Variants in ADGRB3 observed in about 807,000 individuals in gnomAD.
ADGRB3 encodes the protein adhesion G protein-coupled receptor B3.
ADGRB3 carries 37 observed loss-of-function variants against 193.4 expected under a neutral mutation model. That is an observed-to-expected ratio of 0.19 (90% CI 0.15 to 0.25). The LOEUF (loss-of-function observed/expected upper bound fraction) is 0.25. ADGRB3 is among the 10% of genes least tolerant of loss of function. The probability of loss-of-function intolerance (pLI) is 1.00; values close to 1 mark genes in which losing one functional copy is unlikely to be tolerated. For missense variants in ADGRB3, 1,637 were observed against 1,852.9 expected, an observed-to-expected ratio of 0.88 and a Z score of 2.14; for synonymous variants, 690 against 644.2, an observed-to-expected ratio of 1.07 and a Z score of -1.08.
chr6:68,848,000 T>G (rs1261475579), intron 3 of ADGRB3, among the ~76,000 whole-genome samples: 1 of 151,914 alleles, frequency 6.6e-6, no homozygotes, highest in East Asian at 1.9e-4. Flanking sequence ...AAATTAAATC[T>G]AAAAAAAGAC....
chr6:69,197,395 T>G (rs990350471), intron 17 of ADGRB3, among the ~76,000 whole-genome samples: 1 of 149,140 alleles, frequency 6.7e-6, no homozygotes, highest in Non-Finnish European at 1.5e-5. Flanking sequence ...AAGCAAAGTG[T>G]GCTTCATGAT....
chr6:68,686,319 A>C (rs1264805565), intron 3 of ADGRB3, among the ~76,000 whole-genome samples: 1 of 152,174 alleles, frequency 6.6e-6, no homozygotes, highest in East Asian at 1.9e-4. Flanking sequence ...CTAAAAAGTC[A>C]ATGACAAAAT....
chr6:69,003,890 G>A (rs998694854), intron 11 of ADGRB3, among the ~76,000 whole-genome samples: 1 of 152,200 alleles, frequency 6.6e-6, no homozygotes, highest in Non-Finnish European at 1.5e-5. Context: ...GGAAGAGGAA[G>A]AGAGGTAAAG....
chr6:69,320,816 C>CGTGTGT (rs1175461597), intron 20 of ADGRB3, among the ~76,000 whole-genome samples: 1,297 of 110,582 alleles, frequency 0.012, 16 homozygotes, highest in African/African-American at 0.044. Flanking sequence ...TGTGCTTGTG[C>CGTGTGT]ATGTGTGTAT....
chr6:68,855,414 ATTAAT>A lies in ADGRB3; in HGVS notation c.758-75124_758-75120del, dbSNP rs56065569. On this transcript the variant is annotated intron_variant, in intron 3 of 31. Transcript: ENST00000370598. ...CACTTTAGGGGAAAAAACTAATAGC[ATTAAT>A]TTAATTTAATTTAATTTAATGTAAT... Among the ~76,000 whole-genome samples, 9 of 151,198 alleles carry A rather than the reference ATTAAT, an allele frequency of 6.0e-5. No individual in the cohort carries two copies. In the South Asian group the frequency reaches 1.0e-3, roughly 18 times the overall value.
At chr6:68,677,461 T>G (rs1769121207) in intron 3 of ADGRB3, among the ~76,000 whole-genome samples, 1 of 151,982 alleles carries the variant, frequency 6.6e-6, no homozygotes, top group African/African-American at 2.4e-5. Flanking sequence ...TTTCAATGGA[T>G]CATTCAGAAT....
At chr6:68,836,150 T>C (rs1255326139) in intron 3 of ADGRB3, among the ~76,000 whole-genome samples, 1 of 152,100 alleles carries the variant, frequency 6.6e-6, no homozygotes, top group Non-Finnish European at 1.5e-5. Flanking sequence ...TGAGTTGTAT[T>C]AGAAATGCCA....
intron 17 of ADGRB3, among the ~76,000 whole-genome samples, chr6:69,092,030 T>G (rs1443399708): frequency 6.6e-6 from 1 of 152,244 alleles, no homozygotes; most frequent in Non-Finnish European, 1.5e-5. Context: ...AGATTTCCAT[T>G]TTTTAAGCTT....
chr6:69,264,406 G>A (rs577293749), intron 20 of ADGRB3, among the ~76,000 whole-genome samples: 226 of 151,350 alleles, frequency 1.5e-3, no homozygotes, highest in African/African-American at 5.0e-3. Flanking sequence ...TTCCTCCTCT[G>A]GTTTTATTAC....
At chr6:68,728,101 A>G (rs970567888) in intron 3 of ADGRB3, among the ~76,000 whole-genome samples, 22 of 151,468 alleles carry the variant, frequency 1.5e-4, no homozygotes, top group Admixed American at 7.3e-4. Context: ...GTTTCACTCA[A>G]ATTGACATTT....
At chr6:69,138,391 C>G (rs1455563865) in intron 17 of ADGRB3, among the ~76,000 whole-genome samples, 2 of 152,202 alleles carry the variant, frequency 1.3e-5, no homozygotes, top group African/African-American at 4.8e-5. Context: ...TATGTAATGA[C>G]TCTGACATGG....
intron 17 of ADGRB3, among the ~76,000 whole-genome samples, chr6:69,203,713 C>T (rs1765481658): frequency 6.6e-6 from 1 of 152,138 alleles, no homozygotes; most frequent in Non-Finnish European, 1.5e-5. Flanking sequence ...TGTATCATTA[C>T]ATCTTTCTTC....
intron 13 of ADGRB3, among the ~76,000 whole-genome samples, chr6:69,042,925 T>A (rs1771114077): frequency 6.6e-6 from 1 of 152,170 alleles, no homozygotes; most frequent in South Asian, 2.1e-4. Context: ...CTTCAACATT[T>A]GTTTATGGTG....
At chr6:68,936,426 T>TA in intron 4 of ADGRB3, 93 bp from the exon 5 acceptor site, 1 of 1,239,432 alleles carries the variant, frequency 8.1e-7, no homozygotes, top group South Asian at 1.6e-5. Flanking sequence ...ACATTTAAAT[T>TA]ATTCTTGCAT....
chr6:69,066,200 A>G (rs1220410076), intron 16 of ADGRB3, among the ~76,000 whole-genome samples: 1 of 151,282 alleles, frequency 6.6e-6, no homozygotes, highest in Non-Finnish European at 1.5e-5. Context: ...ATAGTTATAT[A>G]TATGCATGTA....
chr6:69,356,215 G>A (rs1769334712), intron 28 of ADGRB3, among the ~76,000 whole-genome samples: 2 of 152,108 alleles, frequency 1.3e-5, no homozygotes, highest in South Asian at 4.1e-4. Flanking sequence ...TCCAGAATGG[G>A]CAAGAGTGCT....
At chr6:68,850,579 A>T (rs1033265326) in intron 3 of ADGRB3, among the ~76,000 whole-genome samples, 1 of 151,964 alleles carries the variant, frequency 6.6e-6, no homozygotes, top group African/African-American at 2.4e-5. Context: ...TTGAAATTGT[A>T]TACTTCTGAT....
At chr6:68,647,904 A>G (rs902294967) in intron 3 of ADGRB3, among the ~76,000 whole-genome samples, 4 of 152,168 alleles carry the variant, frequency 2.6e-5, no homozygotes, top group African/African-American at 4.8e-5. Context: ...TTAGAGACCA[A>G]TGATCCCGAA....
intron 17 of ADGRB3, among the ~76,000 whole-genome samples, chr6:69,078,571 A>T (rs569153527): frequency 6.6e-6 from 1 of 152,170 alleles, no homozygotes; most frequent in Non-Finnish European, 1.5e-5. Context: ...GCTGCATTGT[A>T]TAGGTATATC....
Sources: allele counts gnomAD v4.1 joint callset (sites outside exome capture counted in the v4.1 genomes callset), GRCh38; gene constraint gnomAD v4.1.1; transcripts MANE v1.5; gene names NCBI Gene and HGNC (gene_info 2026-07-23, HGNC 2026-07-21).